The following CCDC32 variants were observed in gnomAD, a reference collection of about 807,000 sequenced individuals.
The protein encoded by CCDC32 is coiled-coil domain containing 32.
A neutral mutation model predicts 20.1 loss-of-function variants in CCDC32; 9 were observed. The ratio of observed to expected loss-of-function variants is 0.45; its 90% CI spans 0.27 to 0.78. CCDC32 has a LOEUF of 0.78. Among genes scored for constraint, CCDC32 ranks in the 30% least tolerant of loss-of-function variants. CCDC32 has a pLI of 0.16. For missense variants in CCDC32, 204 were observed against 215.5 expected, an observed-to-expected ratio of 0.95 and a Z score of 0.33; for synonymous variants, 63 against 79.0, an observed-to-expected ratio of 0.80 and a Z score of 1.07.
chr15:40,561,749 A>G (rs1400536113), intron 2 of CCDC32, among the ~76,000 whole-genome samples: 3 of 151,896 alleles, frequency 2.0e-5, no homozygotes, highest in Admixed American at 6.6e-5. Flanking sequence ...TAATCCCAGC[A>G]CTTCAGGAGG....
At chr15:40,523,373 G>A in the CCDC32 span, among the ~76,000 whole-genome samples, 2 of 151,746 alleles carry the variant, frequency 1.3e-5, no homozygotes, top group South Asian at 2.1e-4. Context: ...GCATAGTGGC[G>A]CATGCCTGTA....
At chr15:40,539,876 A>ACACACACACT (rs1222538905) in intron 3 of CCDC32, among the ~76,000 whole-genome samples, 1 of 150,806 alleles carries the variant, frequency 6.6e-6, no homozygotes, top group Non-Finnish European at 1.5e-5. Flanking sequence ...ACACACACAC[A>ACACACACACT]CACACCCCGC....
rs766132737 is a variant in CCDC32 at position 40,554,000 on chromosome 15, C to G, written c.529G>C (p.Gly177Arg). 1.2e-6 allele frequency: 2 copies of G among 1,612,480 alleles called. No individual in the cohort carries two copies. Among genetic ancestry groups the G allele is most frequent in the Non-Finnish European group, 1.7e-6 (2 of 1,179,752 alleles). The change falls in exon 4 of 4, where the codon GGG (glycine) becomes CGG (arginine). Residue 177 changes from glycine to arginine, a missense_variant. Physicochemically the swap from Gly to Arg is moderately radical, Grantham distance 125 (BLOSUM62 -2). Transcript: ENST00000416810. ...TGTTCTGCTGCTGCTGGCTTGTCCC[C>G]GGCTGCTGGCTCGTCCTCGGCCACT... ...KPVAEDEPAA[G>R]DKPAAAEQ
downstream of CCDC32, chr15:40,539,081 C>T: frequency 1.6e-6 from 1 of 632,296 alleles, no homozygotes; most frequent in Non-Finnish European, 2.7e-6. Flanking sequence ...CTCAGCTTCT[C>T]CCTTTCTTCA....
chr15:40,529,575 C>G (rs1337763577), intron 3 of CCDC32: 1 of 151,708 alleles, frequency 6.6e-6, no homozygotes, highest in South Asian at 2.1e-4. Context: ...AGTGAGTACT[C>G]TCTTCCCGCA....
intron 2 of CCDC32, chr15:40,558,001 CA>C (rs1396411929): frequency 2.0e-5 from 3 of 152,188 alleles, no homozygotes; most frequent in Non-Finnish European, 2.9e-5. Flanking sequence ...CTAATAAAAA[CA>C]AATGTCTTCT....
intron 2 of CCDC32, among the ~76,000 whole-genome samples, chr15:40,560,892 C>G (rs1388896861): frequency 2.0e-5 from 3 of 152,126 alleles, no homozygotes; most frequent in Non-Finnish European, 4.4e-5. Flanking sequence ...GAAAAGAAGT[C>G]GTTATATCAA....
chr15:40,551,487 G>A (rs28642835), downstream of CCDC32, among the ~76,000 whole-genome samples: 704 of 152,140 alleles, frequency 4.6e-3, 3 homozygotes, highest in Non-Finnish European at 7.8e-3. Context: ...CTGGATGACC[G>A]TCAATATTCT....
chr15:40,562,642 G>A (rs746041577), intron 2 of CCDC32, 130 bp downstream of exon 2: 70 of 1,080,944 alleles, frequency 6.5e-5, no homozygotes, highest in East Asian at 6.3e-4. Context: ...CCCAACAGCC[G>A]GCTTGAAACA....
chr15:40,563,753 C>T (rs985161591), intron 1 of CCDC32, among the ~76,000 whole-genome samples: 3 of 152,070 alleles, frequency 2.0e-5, no homozygotes, highest in African/African-American at 7.2e-5. Flanking sequence ...CTGCACTTTT[C>T]TCCAAAGATC....
downstream of CCDC32, chr15:40,534,528 A>G (rs189656867): frequency 2.8e-5 from 5 of 177,594 alleles, no homozygotes; most frequent in East Asian, 6.5e-4. Flanking sequence ...AGAACTTACT[A>G]TCACAAGAAT....
intron 3 of CCDC32, among the ~76,000 whole-genome samples, chr15:40,555,661 C>A (rs145534662): frequency 1.5e-3 from 235 of 152,284 alleles, no homozygotes; most frequent in Non-Finnish European, 2.9e-3. Context: ...CATCTAGAGG[C>A]ATGCTGATTA....
exon 4 of CCDC32, chr15:40,528,705 C>G: frequency 1.4e-6 from 1 of 699,504 alleles, no homozygotes; most frequent in Non-Finnish European, 2.6e-6. Flanking sequence ...GGGTGCAGGC[C>G]TTGTCCACAA....
At position 40,553,995 on chromosome 15, in the gene CCDC32, GT is replaced by G. The variant is rs1566983122; in HGVS notation, c.533del (p.Asp178AlafsTer85). 6.2e-7 allele frequency: 1 copy of G among 1,609,904 alleles called. No individual in the cohort carries two copies. Among genetic ancestry groups the G allele is most frequent in the Non-Finnish European group, 8.5e-7 (1 of 1,179,046 alleles). On this transcript the variant is annotated frameshift_variant, in exon 4 of 4. Coordinates refer to ENST00000416810, the MANE Select transcript of CCDC32 (RefSeq NM_001080792.4). LOFTEE classifies it high-confidence loss of function. The stretch of plus-strand genomic sequence containing the variant: ...TTTACTGTTCTGCTGCTGCTGGCTT[GT>G]CCCCGGCTGCTGGCTCGTCCTCGGC... ...PVAEDEPAAG[D>X]KPAAAEQ
Position 40,561,196 on chromosome 15 carries a change from C to T in CCDC32, c.244+1576G>A, listed in dbSNP as rs116121097. ...AAGGTATACAAAGTGGTATATTGGC[C>T]GGGCACGGTGGCTCACACCTGTAAT... On this transcript the variant is annotated intron_variant, in intron 2 of 3. Coordinates refer to ENST00000416810, the MANE Select transcript of CCDC32 (RefSeq NM_001080792.4). Among the ~76,000 whole-genome samples, 688 of 152,168 alleles carry T rather than the reference C, an allele frequency of 4.5e-3. 12 individuals are homozygous for T. Among genetic ancestry groups the T allele is most frequent in the African/African-American group, 0.016 (652 of 41,506 alleles).
At position 40,557,196 on chromosome 15, in the gene CCDC32, C is replaced by T. The variant is rs755612312; in HGVS notation, c.401+20G>A. 5 of 1,599,586 alleles carry T rather than the reference C, an allele frequency of 3.1e-6. No homozygotes were observed. The South Asian group carries it at 5.7e-5, about 18-fold the overall frequency. ...ACATAAAGGATGATTTCAGCTGGAA[C>T]TAGACGGGGAATCGATTACCTCTCA... On this transcript the variant is annotated intron_variant, in intron 3 of 3. Coordinates refer to ENST00000416810, the MANE Select transcript of CCDC32 (RefSeq NM_001080792.4).
At chr15:40,525,868 G>A (rs925939498), downstream of CCDC32, among the ~76,000 whole-genome samples, 1 of 152,054 alleles carries the variant, frequency 6.6e-6, no homozygotes, top group African/African-American at 2.4e-5. Flanking sequence ...CCTGGCCCTT[G>A]GATGCTCATA....
At chr15:40,535,064 G>T (rs1200057940), downstream of CCDC32, 1 of 736,674 alleles carries the variant, frequency 1.4e-6, no homozygotes, top group African/African-American at 1.7e-5. Context: ...CCAGACTGTG[G>T]AGGGTCTTGA....
At chr15:40,532,016 G>A (rs1376543440), downstream of CCDC32, 1 of 324,422 alleles carries the variant, frequency 3.1e-6, no homozygotes, top group Non-Finnish European at 5.6e-6. Flanking sequence ...TCTTCTGGAG[G>A]TTCCGGTTTC....
Sources: allele counts gnomAD v4.1 joint callset (sites outside exome capture counted in the v4.1 genomes callset), GRCh38; gene constraint gnomAD v4.1.1; transcripts MANE v1.5; gene names NCBI Gene and HGNC (gene_info 2026-07-23, HGNC 2026-07-21).